Variants in TMCO1 observed in about 807,000 individuals in gnomAD.
TMCO1 encodes the protein calcium load-activated calcium channel.
TMCO1 carries 29 observed loss-of-function variants against 29.3 expected under a neutral mutation model. The observed-to-expected ratio is 0.99, with a 90% CI of 0.74 to 1.35. The LOEUF is 1.35. TMCO1 is among the 40% of genes most tolerant of loss of function. The pLI, the probability that TMCO1 is intolerant of heterozygous loss-of-function variation, is 0.00. For synonymous variants in TMCO1, 80 were observed against 77.1 expected (o/e 1.04, Z -0.20); for missense variants, 173 against 225.5 (o/e 0.77, Z 1.49).
intron 3 of TMCO1, chr1:165,754,726 T>A (rs1262756392): frequency 6.0e-6 from 1 of 166,150 alleles, no homozygotes; most frequent in Non-Finnish European, 1.3e-5. Context: ...AAAATTCAGG[T>A]TCTAGCTGGG....
intron 2 of TMCO1, among the ~76,000 whole-genome samples, chr1:165,760,661 G>T (rs1387175054): frequency 6.6e-6 from 1 of 151,894 alleles, no homozygotes; most frequent in Non-Finnish European, 1.5e-5. Flanking sequence ...ATTTAGCTGG[G>T]CATGTGGCGC....
In TMCO1 at chr1:165,727,517, C is replaced by G. The variant is rs555126901; in HGVS notation, c.*506G>C. 4.4e-6 allele frequency: 2 copies of G among 453,046 alleles called. No individual in the cohort carries two copies. 28.1% of individuals were successfully genotyped at this position (453,046 alleles called of 1,614,324 possible). On this transcript the variant is annotated 3_prime_UTR_variant, in exon 7 of 7. Transcript: ENST00000367881. ...ACTTATATCTAGAAATACGGCAAAA[C>G]AAAATGAAACAGATCTCTCCTTGTA...
rs771345698 is a variant in TMCO1, at chr1:165,768,777, A to G, written c.-26T>C. Reference sequence around the variant, plus strand: ...CTCGCACCTTCGTCTCTGCACTCTCACCCGCCAGGGGGAAAGCGCTCTACA... The same window carrying G: ...CTCGCACCTTCGTCTCTGCACTCTCGCCCGCCAGGGGGAAAGCGCTCTACA... On this transcript the variant is annotated 5_prime_UTR_variant, in exon 1 of 7. Coordinates refer to ENST00000367881, the MANE Select transcript of TMCO1 (RefSeq NM_019026.6). 1.2e-6 allele frequency: 2 copies of G among 1,613,698 alleles called. No individual in the cohort carries two copies. The highest frequency in any genetic ancestry group is 1.7e-6 in the Non-Finnish European group (2 of 1,179,860).
At chr1:165,750,558 A>T (rs768720551) in intron 5 of TMCO1, among the ~76,000 whole-genome samples, 1 of 151,848 alleles carries the variant, frequency 6.6e-6, no homozygotes, top group Non-Finnish European at 1.5e-5. Context: ...AAAAAGAAAA[A>T]AAAAAAAAAG....
chr1:165,744,146 T>C (rs1369901160), intron 5 of TMCO1, among the ~76,000 whole-genome samples: 1 of 152,016 alleles, frequency 6.6e-6, no homozygotes, highest in Admixed American at 6.6e-5. Context: ...AAGCTTGTTA[T>C]AAGGAACAGA....
chr1:165,760,605 C>T (rs1401812639), intron 2 of TMCO1, among the ~76,000 whole-genome samples: 1 of 152,016 alleles, frequency 6.6e-6, no homozygotes, highest in Non-Finnish European at 1.5e-5. Context: ...AGATTGAGAT[C>T]ATCCTGGCCA....
At chr1:165,742,987 A>T (rs1477394114) in intron 6 of TMCO1, among the ~76,000 whole-genome samples, 180 bp downstream of exon 6, 1 of 152,244 alleles carries the variant, frequency 6.6e-6, no homozygotes. Context: ...CCTAAGGATC[A>T]GTCATCTAGA....
At chr1:165,750,541 C>CAAA (rs776845482) in intron 5 of TMCO1, among the ~76,000 whole-genome samples, 17 of 87,582 alleles carry the variant, frequency 1.9e-4, no homozygotes, top group African/African-American at 7.3e-4. Flanking sequence ...AACTCCGTCT[C>CAAA]AAAAAAAAAA....
At chr1:165,742,918 C>T (rs1651648499) in intron 6 of TMCO1, among the ~76,000 whole-genome samples, 1 of 152,152 alleles carries the variant, frequency 6.6e-6, no homozygotes, top group Non-Finnish European at 1.5e-5. Flanking sequence ...AAGAAGGAGC[C>T]TGAGAGCTCT....
chr1:165,756,011 C>G (rs1160501404), intron 3 of TMCO1, among the ~76,000 whole-genome samples: 1 of 146,780 alleles, frequency 6.8e-6, no homozygotes, highest in East Asian at 2.0e-4. Flanking sequence ...GGCTCTGAAA[C>G]TTTAATTTGC....
chr1:165,761,543 T>C (rs538129125), intron 2 of TMCO1, among the ~76,000 whole-genome samples: 2 of 150,932 alleles, frequency 1.3e-5, no homozygotes, highest in South Asian at 2.1e-4. Context: ...CAAAATAAAA[T>C]AAAACAAAAC....
downstream of TMCO1, chr1:165,724,952 A>G (rs1650790551): frequency 2.2e-6 from 1 of 450,632 alleles, no homozygotes; most frequent in Middle Eastern, 6.8e-4. Context: ...TCGAAGGTGG[A>G]GGATGGGTTA....
intron 3 of TMCO1, among the ~76,000 whole-genome samples, chr1:165,757,031 A>C (rs1411005723): frequency 6.6e-6 from 1 of 152,166 alleles, no homozygotes; most frequent in Non-Finnish European, 1.5e-5. Context: ...GAGAATGAGC[A>C]AGTCTCATTC....
At chr1:165,752,038 T>C (rs1652010441) in intron 5 of TMCO1, 64 bp downstream of exon 5, 2 of 1,331,608 alleles carry the variant, frequency 1.5e-6, no homozygotes, top group South Asian at 1.2e-5. Context: ...AAAAAGTTCA[T>C]GCTAACATAC....
At position 165,727,263 on chromosome 1, in the gene TMCO1, A is replaced by T. The variant is rs1650934224; in HGVS notation, c.*760T>A. ...TAATAGGATATGAAGAGAACAGCTG[A>T]GGACCCTCATTTTTATTTATTTATT... On this transcript the variant is annotated 3_prime_UTR_variant, in exon 7 of 7. Coordinates refer to ENST00000367881, the MANE Select transcript of TMCO1 (RefSeq NM_019026.6). 2.2e-6 allele frequency: 1 copy of T among 447,160 alleles called. No homozygotes were observed. Among genetic ancestry groups the T allele is most frequent in the Non-Finnish European group, 4.4e-6 (1 of 224,778 alleles). The allele number at this position is 447,160 out of a possible 1,614,324, so 27.7% of individuals were successfully genotyped here.
intron 6 of TMCO1, among the ~76,000 whole-genome samples, chr1:165,737,772 T>C (rs56113452): frequency 0.013 from 1,996 of 152,312 alleles, 52 homozygotes; most frequent in African/African-American, 0.046. Context: ...AGAATGAAGA[T>C]AAAATAAAGA....
chr1:165,765,251 G>C (rs1652526200), intron 2 of TMCO1, among the ~76,000 whole-genome samples: 1 of 152,134 alleles, frequency 6.6e-6, no homozygotes, highest in Non-Finnish European at 1.5e-5. Context: ...GGAATATTAG[G>C]AGTAGGGGAG....
upstream of TMCO1, chr1:165,768,869 G>A (rs749733764): frequency 6.4e-6 from 10 of 1,562,804 alleles, no homozygotes; most frequent in Non-Finnish European, 8.7e-6. Context: ...GACCAACTCT[G>A]ACAGCCCGAA....
At chr1:165,741,337 T>TTATAA (rs1272048412) in intron 6 of TMCO1, among the ~76,000 whole-genome samples, 1 of 152,244 alleles carries the variant, frequency 6.6e-6, no homozygotes, top group African/African-American at 2.4e-5. Context: ...TGCTACACTA[T>TTATAA]TATAATAGTC....
Sources: gnomAD v4.1 joint callset for allele counts (sites outside exome capture counted in the v4.1 genomes callset) on GRCh38, gnomAD v4.1.1 for gene constraint, MANE v1.5 for transcripts, NCBI Gene and HGNC (gene_info 2026-07-23, HGNC 2026-07-21) for gene names.